Variants in RTTN observed in about 807,000 individuals in gnomAD.
RTTN encodes rotatin.
A neutral mutation model predicts 269.2 loss-of-function variants in RTTN; 182 were observed. That is an observed-to-expected ratio of 0.68 (90% CI 0.60 to 0.76). The LOEUF is 0.76. Among genes scored for constraint, RTTN ranks in the 30% least tolerant of loss-of-function variants. The probability of loss-of-function intolerance (pLI) is 0.00; values close to 1 mark genes in which losing one functional copy is unlikely to be tolerated. For missense variants in RTTN, 2,545 were observed against 2,608.6 expected (o/e 0.98, Z 0.53); for synonymous variants, 1,006 against 963.5 (o/e 1.04, Z -0.82).
Position 70,006,314 on chromosome 18 carries a change from A to G in RTTN, c.6525+67T>C, listed in dbSNP as rs76756359. On this transcript the variant is annotated intron_variant, in intron 47 of 48. Coordinates refer to ENST00000640769, the MANE Select transcript of RTTN (RefSeq NM_173630.4). ...TCTTGACACCTTTGGATGTATCCTA[A>G]GAGTTTATACCTGGGTTATACCTTG... 3.4e-4 allele frequency: 372 copies of G among 1,098,044 alleles called. 2 individuals are homozygous for G. In the African/African-American group the frequency reaches 4.7e-3, roughly 14 times the overall value. 68.0% of individuals were successfully genotyped at this position (1,098,044 alleles called of 1,614,324 possible). A position where few individuals can be genotyped will look rare whatever the true frequency, so the allele number is the denominator to read the frequency against.
Position 70,109,567 on chromosome 18 carries a change from T to C in RTTN, c.3834A>G (p.Gly1278=), listed in dbSNP as rs780503195. The change falls in exon 28 of 49, where the codon GGA becomes GGG. Residue 1278 remains glycine, a synonymous_variant. Coordinates refer to ENST00000640769, the MANE Select transcript of RTTN (RefSeq NM_173630.4). The stretch of plus-strand genomic sequence containing the variant: ...TTGTGAGAGGAGAGTGTGAGCTCCA[T>C]CCCGGAAACGCAGTGAGGTTAGCCA... ...RGMANLTAFP[G]WSSHSPLTKP... is the part of the protein sequence containing the mutation. The C allele has an allele frequency of 2.5e-6, 4 of 1,613,922 alleles. No homozygotes were observed. The highest frequency in any genetic ancestry group is 3.4e-6 in the Non-Finnish European group (4 of 1,179,966).
chr18:70,088,294 G>A, intron 30 of RTTN, 147 bp from the exon 31 acceptor site: 1 of 631,704 alleles, frequency 1.6e-6, no homozygotes, highest in Non-Finnish European at 2.5e-6. Context: ...ATAGAAGACA[G>A]TGTCCTCCAT....
intron 19 of RTTN, among the ~76,000 whole-genome samples, chr18:70,140,705 A>C (rs1021697551): frequency 3.3e-5 from 5 of 152,102 alleles, no homozygotes; most frequent in African/African-American, 1.2e-4. Flanking sequence ...ATTTCTGGAG[A>C]ACTTGAGCTT....
At position 70,028,850 on chromosome 18, in the gene RTTN, C is replaced by T. The variant is rs140607013; in HGVS notation, c.5746-49G>A. 2.3e-3 allele frequency: 3,050 copies of T among 1,316,484 alleles called. 15 individuals are homozygous for T. Among genetic ancestry groups the T allele is most frequent in the Non-Finnish European group, 2.5e-3 (2,321 of 915,900 alleles). The allele number at this position is 1,316,484 out of a possible 1,614,324, so 81.6% of individuals were successfully genotyped here. A position where few individuals can be genotyped will look rare whatever the true frequency, so the allele number is the denominator to read the frequency against. ...AAACTGTGAATGCAACAGCATACTT[C>T]ACTTTTTGTGTATAGTAATTCCCTC... On this transcript the variant is annotated intron_variant, in intron 42 of 48. Coordinates refer to ENST00000640769, the MANE Select transcript of RTTN (RefSeq NM_173630.4).
At chr18:70,059,530 C>T (rs1271643749) in intron 36 of RTTN, among the ~76,000 whole-genome samples, 1 of 152,080 alleles carries the variant, frequency 6.6e-6, no homozygotes, top group African/African-American at 2.4e-5. Flanking sequence ...TCCCTCACAT[C>T]CATTAAGAAC....
At chr18:70,045,247 T>G (rs780291632) in intron 40 of RTTN, among the ~76,000 whole-genome samples, 5 of 152,198 alleles carry the variant, frequency 3.3e-5, no homozygotes, top group Non-Finnish European at 7.3e-5. Flanking sequence ...AGTGATTTGT[T>G]AGGAGGATGG....
At chr18:70,012,168 T>C (rs2056399316) in intron 46 of RTTN, among the ~76,000 whole-genome samples, 1 of 149,430 alleles carries the variant, frequency 6.7e-6, no homozygotes, top group Non-Finnish European at 1.5e-5. Flanking sequence ...TCACTGGTAT[T>C]GGTTAGAGGG....
intron 46 of RTTN, among the ~76,000 whole-genome samples, chr18:70,010,963 T>C (rs1425804305): frequency 6.6e-6 from 1 of 152,172 alleles, no homozygotes; most frequent in Non-Finnish European, 1.5e-5. Flanking sequence ...TAAACACCTC[T>C]ATGCAAATAA....
chr18:70,034,258 A>G (rs2073742442), intron 40 of RTTN, among the ~76,000 whole-genome samples: 1 of 152,176 alleles, frequency 6.6e-6, no homozygotes, highest in African/African-American at 2.4e-5. Context: ...AACAACAAAA[A>G]AAAGGGTCAA....
In RTTN at chr18:70,204,262, T is replaced by C. The variant is rs1385733246; in HGVS notation, c.221A>G (p.Tyr74Cys). Reference protein sequence around the residue: ...VLNLLSRLVKYPPAVQHLVDV... With the variant: ...VLNLLSRLVKCPPAVQHLVDV... ...AACCAAATGTTGGACTGCTGGGGGA[T>C]ACTAAAATAAGAAGAGGATGATCTT... The change falls in exon 3 of 49, where the codon TAT becomes TGT. Residue 74 changes from tyrosine to cysteine, a missense_variant and splice_region_variant. By Grantham distance (194) the Tyr-to-Cys change is radical (BLOSUM62 -2). Transcript: ENST00000640769. 2.5e-6 allele frequency: 4 copies of C among 1,600,758 alleles called. No individual in the cohort carries two copies. In the African/African-American group the frequency reaches 4.0e-5, roughly 16 times the overall value.
At chr18:70,023,114 A>G (rs1452693085) in intron 44 of RTTN, among the ~76,000 whole-genome samples, 2 of 151,944 alleles carry the variant, frequency 1.3e-5, no homozygotes, top group South Asian at 4.2e-4. Flanking sequence ...CCCTCAGCCC[A>G]CTCATTCTGG....
Position 70,024,604 on chromosome 18 carries a change from C to A in RTTN, c.5950+118G>T, listed in dbSNP as rs2056800446. On this transcript the variant is annotated intron_variant, in intron 44 of 48. Coordinates refer to ENST00000640769, the MANE Select transcript of RTTN (RefSeq NM_173630.4). ...GAAAGCTTGCCTTTGCCCATCATAT[C>A]CTCAATAAATCAGAGAAATACTTCA... 18 of 931,648 alleles carry A rather than the reference C, an allele frequency of 1.9e-5. No homozygotes were observed. The South Asian group carries it at 3.1e-4, about 16-fold the overall frequency. The allele number at this position is 931,648 out of a possible 1,614,324, so 57.7% of individuals were successfully genotyped here. A position where few individuals can be genotyped will look rare whatever the true frequency, so the allele number is the denominator to read the frequency against.
chr18:70,037,390 G>A (rs1002603248), intron 40 of RTTN, among the ~76,000 whole-genome samples: 1 of 152,176 alleles, frequency 6.6e-6, no homozygotes, highest in Non-Finnish European at 1.5e-5. Context: ...GAGGAAGAGA[G>A]TAAACAAGAC....
chr18:70,139,630 T>C lies in RTTN; in HGVS notation c.2757A>G (p.Gln919=), dbSNP rs1198175064. The part of the protein sequence containing the change: ...GDPVMRVSLS[Q]QSSLLTVLFR... ...ATAACACGGTCAAAAGAGAAGACTG[T>C]TGCGAGAGCGAAACACGCATGACTG... The change falls in exon 21 of 49, where the codon CAA becomes CAG. Residue 919 remains glutamine, a synonymous_variant. Coordinates refer to ENST00000640769, the MANE Select transcript of RTTN (RefSeq NM_173630.4). The C allele has an allele frequency of 1.1e-5, 18 of 1,612,600 alleles. No individual in the cohort carries two copies. The highest frequency in any genetic ancestry group is 1.5e-5 in the Non-Finnish European group (18 of 1,178,752).
intron 44 of RTTN, among the ~76,000 whole-genome samples, chr18:70,021,595 G>A (rs1421680786): frequency 6.6e-6 from 1 of 152,142 alleles, no homozygotes; most frequent in Admixed American, 6.5e-5. Context: ...GCTGGAAAAT[G>A]CACTGAAAGG....
intron 39 of RTTN, among the ~76,000 whole-genome samples, chr18:70,048,648 T>C (rs1007271251): frequency 1.3e-5 from 2 of 152,324 alleles, no homozygotes; most frequent in Non-Finnish European, 2.9e-5. Flanking sequence ...ATTATAACCA[T>C]AAAAATTTTT....
In RTTN at chr18:70,057,805, T is replaced by A. The variant is rs759821681; in HGVS notation, c.4968A>T (p.Thr1656=). The A allele has an allele frequency of 6.2e-7, 1 of 1,613,708 alleles. No homozygotes were observed. The highest frequency in any genetic ancestry group is 8.5e-7 in the Non-Finnish European group (1 of 1,179,780). The change falls in exon 37 of 49, where the codon ACA becomes ACT. Residue 1656 remains threonine (T), a synonymous_variant. Transcript: ENST00000640769. ...CSIADATLIQ[T]CVQELRALLP... is the part of the protein sequence containing the mutation. ...GCAGGGCTCTGAGTTCCTGGACACA[T>A]GTCTGTATGAGGGTAGCATCTGCAA...
At position 70,197,628 on chromosome 18, in the gene RTTN, A is replaced by G. The variant is rs1479406856; in HGVS notation, c.689T>C (p.Val230Ala). The G allele has an allele frequency of 3.7e-6, 6 of 1,603,544 alleles. No individual in the cohort carries two copies. Among genetic ancestry groups the G allele is most frequent in the Non-Finnish European group, 5.1e-6 (6 of 1,170,344 alleles). ...ACAATTATAGAGGGCACTGACCTGA[A>G]CAATTTTTGGCCTTTGAAGGAAAAT... The part of the protein sequence containing the change: ...AEIFLQRPKI[V>A]QSLLSLLKLA... Residue 230 changes from valine to alanine, a missense_variant, in exon 6 of 49, where the codon GTT becomes GCT. Coordinates refer to ENST00000640769, the MANE Select transcript of RTTN (RefSeq NM_173630.4).
intron 17 of RTTN, among the ~76,000 whole-genome samples, chr18:70,146,184 G>T (rs1269574088): frequency 6.6e-6 from 1 of 152,182 alleles, no homozygotes; most frequent in African/African-American, 2.4e-5. Context: ...CCACAGGAGA[G>T]TAATGACGCT....
Sources: allele counts gnomAD v4.1 joint callset (sites outside exome capture counted in the v4.1 genomes callset), GRCh38; gene constraint gnomAD v4.1.1; transcripts MANE v1.5; gene names NCBI Gene and HGNC (gene_info 2026-07-23, HGNC 2026-07-21).